TBC1D22A: variants seen among roughly 807,000 people sequenced by gnomAD.
The protein encoded by TBC1D22A is TBC1 domain family member 22A.
Under a neutral mutation model 60.2 loss-of-function variants are expected in TBC1D22A, and 38 were observed. That is an observed-to-expected ratio of 0.63 (90% CI 0.49 to 0.83). The LOEUF (loss-of-function observed/expected upper bound fraction) is 0.83, where lower values mean the gene tolerates loss of function less well. Among genes scored for constraint, TBC1D22A ranks in the 40% least tolerant of loss-of-function variants. The pLI is 0.00. For missense variants in TBC1D22A, 628 were observed against 701.0 expected, an observed-to-expected ratio of 0.90 and a Z score of 1.18; for synonymous variants, 302 against 281.7, an observed-to-expected ratio of 1.07 and a Z score of -0.72.
intron 8 of TBC1D22A, among the ~76,000 whole-genome samples, chr22:46,920,443 C>G (rs1057101475): frequency 1.3e-5 from 2 of 152,160 alleles, no homozygotes; most frequent in Non-Finnish European, 2.9e-5. Context: ...TATACCTTAA[C>G]TTTTTAGAAG....
chr22:47,031,766 T>C (rs953462920), intron 10 of TBC1D22A, among the ~76,000 whole-genome samples: 8 of 152,044 alleles, frequency 5.3e-5, no homozygotes, highest in African/African-American at 1.7e-4. Flanking sequence ...GTGTGAGGTG[T>C]GTGCCCCCCT....
At chr22:46,959,603 C>T (rs907584422) in intron 8 of TBC1D22A, among the ~76,000 whole-genome samples, 8 of 152,168 alleles carry the variant, frequency 5.3e-5, no homozygotes, top group African/African-American at 1.2e-4. Context: ...TCCCTTGTGC[C>T]GGTGGCCTCT....
At chr22:47,110,364 A>G (rs990041962) in intron 11 of TBC1D22A, among the ~76,000 whole-genome samples, 1 of 152,158 alleles carries the variant, frequency 6.6e-6, no homozygotes, top group Non-Finnish European at 1.5e-5. Context: ...CTGTAATCCC[A>G]GCTACTCGGG....
At chr22:47,101,422 A>G (rs1055638023) in intron 11 of TBC1D22A, among the ~76,000 whole-genome samples, 3 of 152,322 alleles carry the variant, frequency 2.0e-5, no homozygotes, top group South Asian at 4.1e-4. Flanking sequence ...CGGGCTAGGT[A>G]TGTCCTTCCA....
At chr22:47,006,387 A>G (rs1227384292) in intron 10 of TBC1D22A, among the ~76,000 whole-genome samples, 1 of 152,206 alleles carries the variant, frequency 6.6e-6, no homozygotes, top group African/African-American at 2.4e-5. Flanking sequence ...CCATCTTATT[A>G]TTCTCTGAAA....
chr22:46,887,421 C>T (rs1276163899), intron 5 of TBC1D22A, among the ~76,000 whole-genome samples: 1 of 152,176 alleles, frequency 6.6e-6, no homozygotes, highest in Non-Finnish European at 1.5e-5. Flanking sequence ...CGGAGGTATG[C>T]AAACCTAGCA....
chr22:46,912,146 C>G lies in TBC1D22A; in HGVS notation c.973C>G (p.Leu325Val). The G allele has an allele frequency of 1.9e-6, 3 of 1,613,982 alleles. No individual in the cohort carries two copies. The highest frequency in any genetic ancestry group is 2.5e-6 in the Non-Finnish European group (3 of 1,179,962). ...TGGATACGTTCAGGGTATAAATGAT[C>G]TCGTCACTCCTTTCTTTGTGGTCTT... ...ASGYVQGIND[L>V]VTPFFVVFIC... Residue 325 changes from leucine to valine, a missense_variant, in exon 8 of 13, where the codon CTC (leucine) becomes GTC (valine). Coordinates refer to ENST00000337137, the MANE Select transcript of TBC1D22A (RefSeq NM_014346.5).
intron 4 of TBC1D22A, among the ~76,000 whole-genome samples, chr22:46,876,093 CG>C (rs1230584245): frequency 6.6e-6 from 1 of 152,150 alleles, no homozygotes. Flanking sequence ...ATTAAAGTGG[CG>C]ACGTCACAGA....
chr22:46,850,188 C>T (rs1019407313), intron 4 of TBC1D22A, among the ~76,000 whole-genome samples: 1 of 152,140 alleles, frequency 6.6e-6, no homozygotes, highest in Non-Finnish European at 1.5e-5. Flanking sequence ...TGCTGAGGGG[C>T]ACGCAGGAGG....
chr22:46,778,260 C>A (rs2083786415), intron 1 of TBC1D22A, among the ~76,000 whole-genome samples: 2 of 151,928 alleles, frequency 1.3e-5, no homozygotes, highest in Admixed American at 6.6e-5. Flanking sequence ...CATAAACACA[C>A]CTTCTTTCTT....
intron 12 of TBC1D22A, among the ~76,000 whole-genome samples, chr22:47,120,178 C>T (rs923966278): frequency 6.6e-6 from 1 of 152,110 alleles, no homozygotes; most frequent in African/African-American, 2.4e-5. Flanking sequence ...TCCCATGATA[C>T]CTTAAGAGAT....
At position 47,174,655 on chromosome 22, in the gene TBC1D22A, C is replaced by T. The variant is rs896284402; in HGVS notation, c.*1029C>T. ...CCGGTTCCTCCGTGGACCGGTTCCG[C>T]CATGGACCGGTTCCGCCATGGACCA... On this transcript the variant is annotated 3_prime_UTR_variant, in exon 13 of 13. Transcript: ENST00000337137. 3 of 151,478 alleles carry T rather than the reference C, an allele frequency of 2.0e-5. No individual in the cohort carries two copies. The highest frequency in any genetic ancestry group is 6.6e-5 in the Admixed American group (1 of 15,156). 9.4% of individuals were successfully genotyped at this position (151,478 alleles called of 1,614,324 possible).
chr22:46,979,825 T>C lies in TBC1D22A; in HGVS notation c.1125+5426T>C, dbSNP rs534101166. On this transcript the variant is annotated intron_variant, in intron 9 of 12. Coordinates refer to ENST00000337137, the MANE Select transcript of TBC1D22A (RefSeq NM_014346.5). ...AAGGTGAATCATGCCTTCATGTTAC[T>C]ATGACAGCAGTTTCAATATAACAGA... Among the ~76,000 whole-genome samples the C allele has an allele frequency of 3.3e-5, 5 of 152,246 alleles. No individual in the cohort carries two copies. In the South Asian group the frequency reaches 1.0e-3, roughly 32 times the overall value.
At chr22:46,817,836 G>A (rs528583645) in intron 4 of TBC1D22A, among the ~76,000 whole-genome samples, 85 of 152,292 alleles carry the variant, frequency 5.6e-4, no homozygotes, top group African/African-American at 2.0e-3. Context: ...TCGCCATACC[G>A]TCTTCCACAG....
chr22:46,857,370 C>T (rs764086903), intron 4 of TBC1D22A, among the ~76,000 whole-genome samples: 3 of 152,220 alleles, frequency 2.0e-5, no homozygotes, highest in Non-Finnish European at 4.4e-5. Flanking sequence ...CACGTCAAAG[C>T]CCATCATCGC....
intron 4 of TBC1D22A, among the ~76,000 whole-genome samples, chr22:46,803,237 C>G (rs920845312): frequency 3.3e-5 from 5 of 152,048 alleles, no homozygotes; most frequent in African/African-American, 1.2e-4. Context: ...CTGAAGAGCT[C>G]GAGACAAGGT....
At chr22:46,862,323 C>G (rs2087938529) in intron 4 of TBC1D22A, among the ~76,000 whole-genome samples, 1 of 149,888 alleles carries the variant, frequency 6.7e-6, no homozygotes, top group Admixed American at 6.6e-5. Context: ...GTGAAGTCAA[C>G]AGTGGCCCAA....
chr22:46,791,032 C>T (rs1299279405), intron 1 of TBC1D22A, among the ~76,000 whole-genome samples: 2 of 152,030 alleles, frequency 1.3e-5, no homozygotes, highest in East Asian at 3.9e-4. Flanking sequence ...AAGCGATCAT[C>T]CGGCCATTTT....
At chr22:46,792,465 G>C in intron 1 of TBC1D22A, 55 bp from the exon 2 acceptor site, 2 of 1,612,522 alleles carry the variant, frequency 1.2e-6, no homozygotes. Flanking sequence ...GCTGGTGGAG[G>C]GCTCTTGGGA....
Sources: allele counts gnomAD v4.1 joint callset (sites outside exome capture counted in the v4.1 genomes callset), GRCh38; gene constraint gnomAD v4.1.1; transcripts MANE v1.5; gene names NCBI Gene and HGNC (gene_info 2026-07-23, HGNC 2026-07-21).